Variants in CECR2 observed in about 807,000 individuals in gnomAD.
The protein encoded by CECR2 is CECR2 histone acetyl-lysine reader.
In CECR2, 30 loss-of-function variants were observed where a neutral mutation model predicts 154.5. The observed-to-expected ratio is 0.19, with a 90% confidence interval of 0.15 to 0.26. The LOEUF is 0.26. Ranked by LOEUF, CECR2 falls within the 10% of genes least tolerant of loss-of-function variation. The probability of loss-of-function intolerance (pLI) is 1.00; values close to 1 mark genes in which losing one functional copy is unlikely to be tolerated. For synonymous variants in CECR2, 725 were observed against 683.7 expected (o/e 1.06, Z -0.94); for missense variants, 1,743 against 1,829.3 (o/e 0.95, Z 0.86).
rs563447458 is a variant in CECR2 at position 17,372,314 on chromosome 22, T to C, written c.126+2405T>C. The stretch of plus-strand genomic sequence containing the variant: ...ATTTTAACTTACGCTTTTTAGTAGT[T>C]ATCAAAAATTAGAATTTTATTGGGA... On this transcript the variant is annotated intron_variant, in intron 1 of 18. Coordinates refer to ENST00000262608, the MANE Select transcript of CECR2 (RefSeq NM_001290047.2). Among the ~76,000 whole-genome samples, 19 of 152,316 alleles carry C rather than the reference T, an allele frequency of 1.2e-4. No homozygotes were observed. In the South Asian group the frequency reaches 2.7e-3, roughly 22 times the overall value.
intron 1 of CECR2, among the ~76,000 whole-genome samples, chr22:17,373,664 A>G (rs1206147938): frequency 3.3e-5 from 5 of 152,240 alleles, no homozygotes; most frequent in Non-Finnish European, 7.3e-5. Context: ...AGTTGATATA[A>G]ACAGATGAAT....
chr22:17,471,701 A>G (rs533770341), intron 1 of CECR2, among the ~76,000 whole-genome samples: 3 of 152,110 alleles, frequency 2.0e-5, no homozygotes, highest in Admixed American at 1.3e-4. Flanking sequence ...ACTCCTGGCT[A>G]ATATTTGCAT....
intron 7 of CECR2, among the ~76,000 whole-genome samples, chr22:17,510,826 T>C (rs1022557394): frequency 2.6e-5 from 4 of 152,110 alleles, no homozygotes; most frequent in South Asian, 4.1e-4. Context: ...AGGATGGTCT[T>C]GATCTCCTGA....
intron 1 of CECR2, among the ~76,000 whole-genome samples, chr22:17,423,851 C>T (rs189543452): frequency 1.1e-3 from 173 of 152,284 alleles, no homozygotes; most frequent in African/African-American, 4.0e-3. Flanking sequence ...AGACTTGTTT[C>T]GTCTTCAGTG....
chr22:17,482,436 A>C (rs949311983), intron 2 of CECR2, among the ~76,000 whole-genome samples: 7 of 152,322 alleles, frequency 4.6e-5, no homozygotes, highest in Admixed American at 4.6e-4. Context: ...ATATACCGTC[A>C]TGTACACTAC....
At chr22:17,397,760 G>A (rs1304099269) in intron 1 of CECR2, among the ~76,000 whole-genome samples, 1 of 152,192 alleles carries the variant, frequency 6.6e-6, no homozygotes. Context: ...GCCTCCCAAA[G>A]TGCTGGGATT....
intron 1 of CECR2, among the ~76,000 whole-genome samples, chr22:17,387,855 A>T (rs1280662548): frequency 1.3e-5 from 2 of 151,362 alleles, no homozygotes; most frequent in East Asian, 1.9e-4. Flanking sequence ...AACCAGAACA[A>T]TTTTTTTTTC....
At chr22:17,401,420 G>A (rs920535097) in intron 1 of CECR2, among the ~76,000 whole-genome samples, 2 of 152,112 alleles carry the variant, frequency 1.3e-5, no homozygotes, top group African/African-American at 2.4e-5. Flanking sequence ...GTCCGCCAAC[G>A]CCACGCGAGG....
rs1327830704 is a variant in CECR2, at chr22:17,369,699, G to A, written c.-85G>A. On this transcript the variant is annotated 5_prime_UTR_variant, in exon 1 of 19. Transcript: ENST00000262608. ...CGCCCCCGCCGAGGACCGCGCGGAG[G>A]CTGCGGCGCTGCCGCGGCGGGAGTC... The A allele has an allele frequency of 4.0e-5, 6 of 148,732 alleles. No homozygotes were observed. The highest frequency in any genetic ancestry group is 7.5e-5 in the Non-Finnish European group (5 of 66,910). 9.2% of individuals were successfully genotyped at this position (148,732 alleles called of 1,614,324 possible).
chr22:17,510,718 C>G (rs1029558878), intron 7 of CECR2, among the ~76,000 whole-genome samples: 2 of 152,194 alleles, frequency 1.3e-5, no homozygotes, highest in Non-Finnish European at 2.9e-5. Flanking sequence ...TCTCCTGTCT[C>G]AGCCTCCTGA....
At chr22:17,429,286 T>C (rs1449893462) in intron 1 of CECR2, among the ~76,000 whole-genome samples, 1 of 151,622 alleles carries the variant, frequency 6.6e-6, no homozygotes, top group African/African-American at 2.4e-5. Context: ...TGGAAGAAAA[T>C]ATAGTATTAC....
intron 2 of CECR2, among the ~76,000 whole-genome samples, chr22:17,485,374 A>G (rs1289078293): frequency 1.3e-5 from 2 of 152,198 alleles, no homozygotes; most frequent in Non-Finnish European, 2.9e-5. Context: ...TGAAAACAGG[A>G]TTTTTAACTC....
At chr22:17,465,664 T>C (rs1030510573) in intron 1 of CECR2, among the ~76,000 whole-genome samples, 1 of 152,038 alleles carries the variant, frequency 6.6e-6, no homozygotes, top group Admixed American at 6.6e-5. Flanking sequence ...TTTGTATTTT[T>C]AGTAGAGACG....
chr22:17,458,769 CAGAG>C, intron 1 of CECR2, among the ~76,000 whole-genome samples: 1 of 152,258 alleles, frequency 6.6e-6, no homozygotes, highest in Non-Finnish European at 1.5e-5. Flanking sequence ...GATTTAAAAA[CAGAG>C]AGTACTTTGC....
intron 1 of CECR2, among the ~76,000 whole-genome samples, chr22:17,396,975 C>T (rs1181856883): frequency 6.6e-6 from 1 of 152,122 alleles, no homozygotes; most frequent in East Asian, 1.9e-4. Context: ...CACAGTGCAT[C>T]TTCAGGGCAG....
chr22:17,470,392 C>CAAA (rs5844313), intron 1 of CECR2, among the ~76,000 whole-genome samples: 1,303 of 99,772 alleles, frequency 0.013, 21 homozygotes, highest in African/African-American at 0.04. Flanking sequence ...GACTCCGTCT[C>CAAA]AAAAAAAAAA....
chr22:17,430,084 T>G (rs1334245237), intron 1 of CECR2, among the ~76,000 whole-genome samples: 1 of 152,224 alleles, frequency 6.6e-6, no homozygotes, highest in African/African-American at 2.4e-5. Flanking sequence ...ATAGTTTTCC[T>G]TTTTATTAGA....
intron 1 of CECR2, among the ~76,000 whole-genome samples, chr22:17,417,038 G>A (rs1404707744): frequency 6.1e-5 from 8 of 131,732 alleles, no homozygotes; most frequent in South Asian, 2.4e-4. Flanking sequence ...TTTTTTTTAC[G>A]ACAAAGGGAC....
chr22:17,470,423 G>T (rs1400989645), intron 1 of CECR2, among the ~76,000 whole-genome samples: 2 of 149,568 alleles, frequency 1.3e-5, no homozygotes, highest in East Asian at 2.0e-4. Flanking sequence ...AAAAAATTCT[G>T]TCTATGCACA....
Sources: gnomAD v4.1 joint callset for allele counts (sites outside exome capture counted in the v4.1 genomes callset) on GRCh38, gnomAD v4.1.1 for gene constraint, MANE v1.5 for transcripts, NCBI Gene and HGNC (gene_info 2026-07-23, HGNC 2026-07-21) for gene names.